Variants in RPUSD4 observed in about 807,000 individuals in gnomAD.
RPUSD4 encodes pseudouridylate synthase RPUSD4, mitochondrial.
RPUSD4 carries 37 observed loss-of-function variants against 35.4 expected under a neutral mutation model. That is an observed-to-expected ratio of 1.04 (90% CI 0.80 to 1.37). The LOEUF (loss-of-function observed/expected upper bound fraction) is 1.37. RPUSD4 is among the 40% of genes most tolerant of loss of function. The pLI, the probability that RPUSD4 is intolerant of heterozygous loss-of-function variation, is 0.00. For missense variants in RPUSD4, 507 were observed against 484.9 expected (o/e 1.05, Z -0.43); for synonymous variants, 210 against 192.7 (o/e 1.09, Z -0.74).
chr11:126,206,527 A>C (rs1949776636), intron 3 of RPUSD4: 1 of 152,280 alleles, frequency 6.6e-6, no homozygotes, highest in African/African-American at 2.4e-5. Flanking sequence ...ACTGCACTCC[A>C]GCCTGGGAGA....
intron 3 of RPUSD4, 141 bp downstream of exon 3, chr11:126,209,380 G>A: frequency 2.9e-6 from 2 of 686,810 alleles, no homozygotes; most frequent in Non-Finnish European, 5.0e-6. Flanking sequence ...AAGCACCAAA[G>A]CTGTTTCACA....
chr11:126,209,436 T>C (rs1454081488), intron 3 of RPUSD4, 85 bp downstream of exon 3: 10 of 1,155,634 alleles, frequency 8.7e-6, no homozygotes, highest in African/African-American at 3.1e-5. Context: ...CTTCTATTAA[T>C]GGGAGTTTCT....
In RPUSD4 at chr11:126,209,678, G is replaced by C. The variant is rs1271617748; in HGVS notation, c.400C>G (p.Leu134Val). The stretch of plus-strand genomic sequence containing the variant: ...TTGTGGCCATGAAGCATCTTTGCCA[G>C]GATAGGTAGTACATCAGTGATGCAG... ...QLCITDVLPILAKMLHGHKAE... is the reference protein window; with the variant it reads ...QLCITDVLPIVAKMLHGHKAE... Residue 134 changes from leucine (L) to valine (V), a missense_variant, in exon 3 of 7, where the codon CTG becomes GTG. By Grantham distance (32) the Leu-to-Val change is conservative. Coordinates refer to ENST00000298317, the MANE Select transcript of RPUSD4 (RefSeq NM_032795.3). The C allele has an allele frequency of 6.2e-7, 1 of 1,614,214 alleles. No individual in the cohort carries two copies. Among genetic ancestry groups the C allele is most frequent in the Admixed American group, 1.7e-5 (1 of 60,026 alleles).
At chr11:126,208,134 T>A (rs1949793737) in intron 3 of RPUSD4, among the ~76,000 whole-genome samples, 1 of 152,112 alleles carries the variant, frequency 6.6e-6, no homozygotes, top group Non-Finnish European at 1.5e-5. Flanking sequence ...ATAAAAAACC[T>A]TTGTGGAGAG....
In RPUSD4 at chr11:126,205,768, G is replaced by T; in HGVS notation, c.571C>A (p.His191Asn). The change falls in exon 4 of 7, where the codon CAT (histidine) becomes AAT (asparagine). Residue 191 changes from histidine to asparagine, a missense_variant. Coordinates refer to ENST00000298317, the MANE Select transcript of RPUSD4 (RefSeq NM_032795.3). ...ACTCCTGCTGAGGGCATGGGGACAT[G>T]CACAGTGATGGCCCTGGGGGTGACA... is the stretch of plus-strand genomic sequence containing the variant. ...VVKKYWAITV[H>N]VPMPSAGVVD... 1 of 1,607,458 alleles carries T rather than the reference G, an allele frequency of 6.2e-7. No homozygotes were observed.
intron 6 of RPUSD4, 141 bp from the exon 7 acceptor site, chr11:126,203,798 G>A (rs1949740139): frequency 1.8e-6 from 2 of 1,099,644 alleles, no homozygotes; most frequent in Non-Finnish European, 2.5e-6. Flanking sequence ...TGCTTCAGTG[G>A]CATGTCTAAG....
rs1338195876 is a variant in RPUSD4 at position 126,205,479 on chromosome 11, T to G, written c.785A>C (p.Gln262Pro). Residue 262 changes from glutamine to proline, a missense_variant, in exon 5 of 7, where the codon CAG (glutamine) becomes CCG (proline). By Grantham distance (76) the Gln-to-Pro change is moderately conservative (BLOSUM62 -1). Transcript: ENST00000298317. ...STLSSALVEL[Q>P]PITGIKHQLR... ...AGTGACACTCTCACCAGTGATGGGCTGGAGCTCCACGAGGGCGGAGGAGAG... is the reference window on the plus strand; with the variant it reads ...AGTGACACTCTCACCAGTGATGGGCGGGAGCTCCACGAGGGCGGAGGAGAG... 1.2e-6 allele frequency: 2 copies of G among 1,614,268 alleles called. No homozygotes were observed. Among genetic ancestry groups the G allele is most frequent in the South Asian group, 1.1e-5 (1 of 91,092 alleles).
At chr11:126,204,410 C>T (rs931268852) in intron 5 of RPUSD4, 82 bp from the exon 6 acceptor site, 9 of 989,780 alleles carry the variant, frequency 9.1e-6, no homozygotes, top group South Asian at 2.9e-5. Context: ...TGCTTCAAAT[C>T]GTGTTACATC....
In RPUSD4 at chr11:126,205,502, G is replaced by C. The variant is rs769230514; in HGVS notation, c.762C>G (p.Leu254=). Residue 254 remains leucine (L), a synonymous_variant, in exon 5 of 7, where the codon CTC becomes CTG. Coordinates refer to ENST00000298317, the MANE Select transcript of RPUSD4 (RefSeq NM_032795.3). ...GCTGGAGCTCCACGAGGGCGGAGGAGAGAGTGCTGCTGAGCACCTGGTACT... is the reference window on the plus strand; with the variant it reads ...GCTGGAGCTCCACGAGGGCGGAGGACAGAGTGCTGCTGAGCACCTGGTACT... ...VTQYQVLSST[L]SSALVELQPI... is the part of the protein sequence containing the mutation. The C allele has an allele frequency of 6.2e-7, 1 of 1,614,178 alleles. No homozygotes were observed. The highest frequency in any genetic ancestry group is 8.5e-7 in the Non-Finnish European group (1 of 1,180,056).
Position 126,203,234 on chromosome 11 carries a change from A to T in RPUSD4, c.*184T>A, listed in dbSNP as rs1188754704. 3 of 769,282 alleles carry T rather than the reference A, an allele frequency of 3.9e-6. No individual in the cohort carries two copies. The highest frequency in any genetic ancestry group is 6.2e-6 in the Non-Finnish European group (3 of 487,418). The allele number at this position is 769,282 out of a possible 1,614,324, so 47.7% of individuals were successfully genotyped here. On this transcript the variant is annotated 3_prime_UTR_variant, in exon 7 of 7. Coordinates refer to ENST00000298317, the MANE Select transcript of RPUSD4 (RefSeq NM_032795.3). ...TAAATAGACTTTGTTCTCCATTAAA[A>T]GCCCTGTAGCAGCTGAGTTGCTTTA... is the stretch of plus-strand genomic sequence containing the variant.
chr11:126,210,812 A>G (rs1326410724), intron 2 of RPUSD4, 78 bp downstream of exon 2: 29 of 1,434,722 alleles, frequency 2.0e-5, no homozygotes, highest in Non-Finnish European at 2.7e-5. Context: ...AGAGTGCACC[A>G]CAAGTAACGT....
intron 6 of RPUSD4, 34 bp downstream of exon 6, chr11:126,204,197 G>T: frequency 7.0e-7 from 1 of 1,437,526 alleles, no homozygotes; most frequent in Non-Finnish European, 9.8e-7. Context: ...GTTCTCTCCC[G>T]TATCTGCTGC....
intron 1 of RPUSD4, 163 bp downstream of exon 1, chr11:126,211,287 G>GTACCCT: frequency 2.1e-6 from 2 of 950,854 alleles, no homozygotes; most frequent in Non-Finnish European, 3.2e-6. Flanking sequence ...GGAAAACACC[G>GTACCCT]TACCCTTACT....
chr11:126,205,456 T>C lies in RPUSD4; in HGVS notation c.796+12A>G, dbSNP rs375058480. On this transcript the variant is annotated intron_variant, in intron 5 of 6. Coordinates refer to ENST00000298317, the MANE Select transcript of RPUSD4 (RefSeq NM_032795.3). ...GTTTTGTGATCCCACTGCGGAAAAG[T>C]GACACTCTCACCAGTGATGGGCTGG... 1.3e-5 allele frequency: 21 copies of C among 1,613,952 alleles called. No homozygotes were observed. Among genetic ancestry groups the C allele is most frequent in the African/African-American group, 2.7e-5 (2 of 74,934 alleles).
intron 3 of RPUSD4, among the ~76,000 whole-genome samples, chr11:126,208,192 C>T (rs899220889): frequency 2.6e-5 from 4 of 151,884 alleles, no homozygotes; most frequent in African/African-American, 7.3e-5. Flanking sequence ...TTCAGCCCAG[C>T]GATTCAATTT....
intron 2 of RPUSD4, among the ~76,000 whole-genome samples, chr11:126,210,545 ACACACC>A (rs1021313780): frequency 9.5e-5 from 14 of 147,504 alleles, no homozygotes; most frequent in African/African-American, 2.0e-4. Flanking sequence ...ACACACACAC[ACACACC>A]CCCTTTTTTC....
chr11:126,210,600 T>C (rs1949844209), intron 2 of RPUSD4, among the ~76,000 whole-genome samples: 1 of 152,034 alleles, frequency 6.6e-6, no homozygotes, highest in Admixed American at 6.6e-5. Context: ...TGATGGAAGA[T>C]AACCTTTAGT....
At chr11:126,210,522 C>CAT (rs142903013) in intron 2 of RPUSD4, among the ~76,000 whole-genome samples, 48 of 149,332 alleles carry the variant, frequency 3.2e-4, no homozygotes, top group East Asian at 1.2e-3. Context: ...AACATACATA[C>CAT]ACACACACAC....
chr11:126,204,169 A>T, intron 6 of RPUSD4, 62 bp downstream of exon 6: 2 of 1,138,700 alleles, frequency 1.8e-6, no homozygotes, highest in Non-Finnish European at 2.6e-6. Flanking sequence ...TCAGAGTTTT[A>T]AGAAAAGGAA....
Sources: allele counts gnomAD v4.1 joint callset (sites outside exome capture counted in the v4.1 genomes callset), GRCh38; gene constraint gnomAD v4.1.1; transcripts MANE v1.5; gene names NCBI Gene and HGNC (gene_info 2026-07-23, HGNC 2026-07-21).